The following XRCC4 variants were observed in gnomAD, a reference collection of about 807,000 sequenced individuals.
XRCC4 encodes X-ray repair cross complementing 4.
XRCC4 carries 28 observed loss-of-function variants against 39.1 expected under a neutral mutation model. The ratio of observed to expected loss-of-function variants is 0.72; its 90% CI spans 0.53 to 0.98. XRCC4 has a LOEUF of 0.98. Ranked by LOEUF, XRCC4 falls within the 50% of genes least tolerant of loss-of-function variation. The pLI, the probability that XRCC4 is intolerant of heterozygous loss-of-function variation, is 0.00. For synonymous variants in XRCC4, 123 were observed against 126.4 expected (o/e 0.97, Z 0.18); for missense variants, 350 against 376.4 (o/e 0.93, Z 0.58).
At chr5:83,226,538 T>C (rs1037945672) in intron 6 of XRCC4, among the ~76,000 whole-genome samples, 1 of 152,104 alleles carries the variant, frequency 6.6e-6, no homozygotes, top group African/African-American at 2.4e-5. Flanking sequence ...TCTGCTCCCA[T>C]AGTTGGTGAA....
At chr5:83,336,831 G>A (rs1447124071) in intron 7 of XRCC4, among the ~76,000 whole-genome samples, 1 of 152,052 alleles carries the variant, frequency 6.6e-6, no homozygotes, top group Non-Finnish European at 1.5e-5. Flanking sequence ...TTCCAGTAGG[G>A]TGGGATATAA....
At chr5:83,303,596 C>A (rs1055210988) in intron 7 of XRCC4, among the ~76,000 whole-genome samples, 4 of 152,112 alleles carry the variant, frequency 2.6e-5, no homozygotes, top group African/African-American at 7.2e-5. Context: ...TATAGTAAAT[C>A]TTTCTAAAAA....
At chr5:83,168,218 A>C (rs1304574398) in intron 3 of XRCC4, among the ~76,000 whole-genome samples, 3 of 152,184 alleles carry the variant, frequency 2.0e-5, no homozygotes, top group Admixed American at 1.3e-4. Context: ...CATACCAGAC[A>C]AATACCGATC....
the XRCC4 span, among the ~76,000 whole-genome samples, chr5:83,374,390 C>T: frequency 2.0e-5 from 3 of 152,290 alleles, no homozygotes; most frequent in African/African-American, 7.2e-5. Flanking sequence ...GTGAGACGTG[C>T]GTTTTGCCTT....
chr5:83,091,474 A>G (rs1745425753), intron 1 of XRCC4, among the ~76,000 whole-genome samples: 1 of 152,168 alleles, frequency 6.6e-6, no homozygotes, highest in African/African-American at 2.4e-5. Context: ...ACAATTCGAG[A>G]TGAGATTTGG....
At chr5:83,216,563 A>G (rs1182499159) in intron 6 of XRCC4, among the ~76,000 whole-genome samples, 1 of 152,186 alleles carries the variant, frequency 6.6e-6, no homozygotes, top group Admixed American at 6.5e-5. Context: ...GAAAATTCTG[A>G]ATGTTCATCT....
downstream of XRCC4, chr5:83,356,732 C>G (rs16900361): frequency 3.5e-3 from 1,582 of 454,102 alleles, 39 homozygotes; most frequent in East Asian, 0.076. Context: ...TGTCTATACT[C>G]TAAACATTGT....
intron 7 of XRCC4, among the ~76,000 whole-genome samples, chr5:83,347,253 T>C (rs533573892): frequency 6.6e-6 from 1 of 152,338 alleles, no homozygotes; most frequent in South Asian, 2.1e-4. Flanking sequence ...AGGCTGTGAA[T>C]GTACAAGTAA....
At chr5:83,146,682 A>G (rs994654957) in intron 3 of XRCC4, among the ~76,000 whole-genome samples, 1 of 152,198 alleles carries the variant, frequency 6.6e-6, no homozygotes, top group African/African-American at 2.4e-5. Flanking sequence ...TTCAGCAAAT[A>G]TTAGCATTAC....
At chr5:83,243,016 G>A (rs1490577187) in intron 6 of XRCC4, among the ~76,000 whole-genome samples, 2 of 152,072 alleles carry the variant, frequency 1.3e-5, no homozygotes, top group Non-Finnish European at 2.9e-5. Context: ...TTTCAATTAT[G>A]ATATCTTTCA....
At chr5:83,140,892 C>G (rs1162866963) in intron 3 of XRCC4, among the ~76,000 whole-genome samples, 2 of 152,198 alleles carry the variant, frequency 1.3e-5, no homozygotes, top group African/African-American at 4.8e-5. Flanking sequence ...CCACTGCACT[C>G]TTACCCTACT....
At chr5:83,287,537 A>T (rs567603076) in intron 7 of XRCC4, among the ~76,000 whole-genome samples, 3 of 152,142 alleles carry the variant, frequency 2.0e-5, no homozygotes, top group African/African-American at 7.2e-5. Context: ...CAGAATGGAG[A>T]TGGAGAGAGG....
chr5:83,300,846 TG>T (rs1356879688), intron 7 of XRCC4, among the ~76,000 whole-genome samples: 1 of 152,074 alleles, frequency 6.6e-6, no homozygotes, highest in African/African-American at 2.4e-5. Context: ...TTTCTGTTCC[TG>T]TAGTAGTTTG....
chr5:83,116,619 T>G (rs10055513), intron 3 of XRCC4, among the ~76,000 whole-genome samples: 7,932 of 54,266 alleles, frequency 0.15, 620 homozygotes, highest in African/African-American at 0.35. Flanking sequence ...TTTTTTTTTT[T>G]TTTTTTTTTT....
At chr5:83,216,506 T>C (rs1287579126) in intron 6 of XRCC4, among the ~76,000 whole-genome samples, 1 of 152,212 alleles carries the variant, frequency 6.6e-6, no homozygotes, top group Non-Finnish European at 1.5e-5. Flanking sequence ...CATAAAGACA[T>C]ATACTTGACT....
At chr5:83,107,191 T>A (rs1746238822) in intron 2 of XRCC4, among the ~76,000 whole-genome samples, 1 of 152,044 alleles carries the variant, frequency 6.6e-6, no homozygotes, top group African/African-American at 2.4e-5. Context: ...TTCATTCATT[T>A]CTGTTTTCTT....
chr5:83,369,621 G>A, the XRCC4 span, among the ~76,000 whole-genome samples: 3 of 152,186 alleles, frequency 2.0e-5, no homozygotes, highest in African/African-American at 7.2e-5. Flanking sequence ...CGGTGTATAT[G>A]TACCACATTT....
rs1753814002 is a variant in XRCC4 at position 83,262,962 on chromosome 5, T to C, written c.893+4285T>C. On this transcript the variant is annotated intron_variant, in intron 7 of 7. Coordinates refer to ENST00000396027, the MANE Select transcript of XRCC4 (RefSeq NM_003401.5). ...CACCCACTAACTCGTCATCTAGCAT[T>C]AGGTATATCTCCCGATGCTATCCCT... Among the ~76,000 whole-genome samples the C allele has an allele frequency of 2.0e-5, 3 of 149,004 alleles. No homozygotes were observed. In the Admixed American group the frequency reaches 2.0e-4, roughly 10 times the overall value.
the XRCC4 span, among the ~76,000 whole-genome samples, chr5:83,370,534 CA>C: frequency 6.6e-6 from 1 of 152,164 alleles, no homozygotes; most frequent in African/African-American, 2.4e-5. Context: ...ACTGCCTGTC[CA>C]AGTTGTTTCT....
Sources: gnomAD v4.1 joint callset for allele counts (sites outside exome capture counted in the v4.1 genomes callset) on GRCh38, gnomAD v4.1.1 for gene constraint, MANE v1.5 for transcripts, NCBI Gene and HGNC (gene_info 2026-07-23, HGNC 2026-07-21) for gene names.